Variants in KCNMA1 observed in about 807,000 individuals in gnomAD.
The protein encoded by KCNMA1 is Calcium-activated potassium channel subunit alpha-1.
KCNMA1 carries 29 observed loss-of-function variants against 140.0 expected under a neutral mutation model. The observed-to-expected ratio is 0.21, with a 90% confidence interval of 0.15 to 0.28. The LOEUF is 0.28. KCNMA1 is among the 10% of genes least tolerant of loss of function. KCNMA1 has a pLI of 1.00. For missense variants in KCNMA1, 880 were observed against 1,602.2 expected (o/e 0.55, Z 7.70); for synonymous variants, 612 against 611.9 (o/e 1.00, Z 0.00).
At chr10:76,987,159 G>T (rs772082541) in intron 19 of KCNMA1, among the ~76,000 whole-genome samples, 3 of 151,580 alleles carry the variant, frequency 2.0e-5, no homozygotes, top group Non-Finnish European at 2.9e-5. Context: ...TGTCAACAGA[G>T]TTTACATGTT....
At chr10:77,078,126 A>G (rs1185386171) in intron 13 of KCNMA1, 1 of 152,252 alleles carries the variant, frequency 6.6e-6, no homozygotes, top group East Asian at 1.9e-4. Context: ...ATTTGGCAGA[A>G]TGGGGTTTTT....
At chr10:77,509,051 T>C (rs973363366) in intron 1 of KCNMA1, among the ~76,000 whole-genome samples, 1 of 152,196 alleles carries the variant, frequency 6.6e-6, no homozygotes, top group African/African-American at 2.4e-5. Flanking sequence ...GACATTTCAG[T>C]TGATTCTACC....
intron 3 of KCNMA1, among the ~76,000 whole-genome samples, chr10:77,197,186 A>G (rs2040787861): frequency 6.6e-6 from 1 of 152,248 alleles, no homozygotes; most frequent in Non-Finnish European, 1.5e-5. Flanking sequence ...AAACACTATG[A>G]AAACGATCAA....
chr10:77,098,994 T>G (rs2097018660), intron 9 of KCNMA1, among the ~76,000 whole-genome samples: 1 of 152,094 alleles, frequency 6.6e-6, no homozygotes, highest in African/African-American at 2.4e-5. Flanking sequence ...TTCTCTGCTC[T>G]TACAGAGAAA....
intron 1 of KCNMA1, among the ~76,000 whole-genome samples, chr10:77,581,670 G>A (rs917818135): frequency 5.9e-4 from 90 of 152,200 alleles, no homozygotes; most frequent in African/African-American, 2.0e-3. Context: ...CAACTGCCGT[G>A]CTCAGTTGCC....
At chr10:77,606,101 C>T (rs149018874) in intron 1 of KCNMA1, among the ~76,000 whole-genome samples, 15 of 152,354 alleles carry the variant, frequency 9.8e-5, no homozygotes, top group East Asian at 3.9e-4. Flanking sequence ...CTCTGCCATC[C>T]ACCCTTGGTG....
chr10:77,271,903 C>T (rs547901774), intron 2 of KCNMA1, among the ~76,000 whole-genome samples: 76 of 152,300 alleles, frequency 5.0e-4, no homozygotes, highest in Admixed American at 1.6e-3. Context: ...TCCTCCAAAC[C>T]ATATCTTCCT....
In KCNMA1 at chr10:77,026,162, G is replaced by A. The variant is rs180711095; in HGVS notation, c.1928+1661C>T. 7.3e-3 allele frequency among the ~76,000 whole-genome samples: 1,115 copies of A among 152,178 alleles called. 18 individuals carry two copies. The highest frequency in any genetic ancestry group is 0.026 in the African/African-American group (1,073 of 41,520). Reference sequence around the variant, plus strand: ...AGAATAGTGACATTGAGTTCACAATGAACCATTAACAGCCTTTCGCTCTTT... The same window carrying A: ...AGAATAGTGACATTGAGTTCACAATAAACCATTAACAGCCTTTCGCTCTTT... On this transcript the variant is annotated intron_variant, in intron 16 of 27. Transcript: ENST00000286628.
chr10:77,637,761 G>A lies in KCNMA1; in HGVS notation c.-119C>T, dbSNP rs1390213782. 3 of 1,208,914 alleles carry A rather than the reference G, an allele frequency of 2.5e-6. No individual in the cohort carries two copies. The highest frequency in any genetic ancestry group is 3.7e-5 in the East Asian group (1 of 26,858). 74.9% of individuals were successfully genotyped at this position (1,208,914 alleles called of 1,614,324 possible). A position where few individuals can be genotyped will look rare whatever the true frequency, so the allele number is the denominator to read the frequency against. On this transcript the variant is annotated 5_prime_UTR_variant, in exon 1 of 28. Coordinates refer to ENST00000286628, the MANE Select transcript of KCNMA1 (RefSeq NM_001161352.2). ...CTGCTGCCGCCGCCGCCGCCGCCGCGGAGCGCGGGAGGGGGGCGGGGAGGC... is the reference window on the plus strand; with the variant it reads ...CTGCTGCCGCCGCCGCCGCCGCCGCAGAGCGCGGGAGGGGGGCGGGGAGGC...
At chr10:77,011,836 C>A in intron 18 of KCNMA1, 131 bp downstream of exon 18, 1 of 816,772 alleles carries the variant, frequency 1.2e-6, no homozygotes. Context: ...CTTTAAACTG[C>A]TGGGTGAAAC....
At chr10:77,443,291 T>C (rs1326453630) in intron 1 of KCNMA1, among the ~76,000 whole-genome samples, 2 of 152,196 alleles carry the variant, frequency 1.3e-5, no homozygotes, top group Non-Finnish European at 2.9e-5. Flanking sequence ...TCTGTTTGTC[T>C]AGAAGCCCTG....
intron 1 of KCNMA1, among the ~76,000 whole-genome samples, chr10:77,579,009 C>T (rs992128036): frequency 2.5e-4 from 38 of 152,210 alleles, no homozygotes; most frequent in African/African-American, 8.4e-4. Context: ...GCCAACCTCC[C>T]GGAGTCGTTG....
At chr10:77,442,846 A>G (rs965404158) in intron 1 of KCNMA1, among the ~76,000 whole-genome samples, 9 of 152,132 alleles carry the variant, frequency 5.9e-5, no homozygotes, top group Non-Finnish European at 1.3e-4. Flanking sequence ...TGACTTTGGT[A>G]CCTGGGGCTC....
At chr10:77,237,468 T>C (rs150096285) in intron 3 of KCNMA1, among the ~76,000 whole-genome samples, 2 of 152,252 alleles carry the variant, frequency 1.3e-5, no homozygotes, top group East Asian at 3.9e-4. Context: ...TGCAAAATTG[T>C]TTTTTTAAAG....
intron 1 of KCNMA1, among the ~76,000 whole-genome samples, chr10:77,431,388 T>G (rs752169221): frequency 1.3e-5 from 2 of 152,168 alleles, no homozygotes; most frequent in African/African-American, 2.4e-5. Flanking sequence ...CCTCTGGTAT[T>G]CCAGGAATCC....
At chr10:77,457,241 G>A (rs1490252404) in intron 1 of KCNMA1, among the ~76,000 whole-genome samples, 2 of 152,056 alleles carry the variant, frequency 1.3e-5, no homozygotes, top group East Asian at 3.9e-4. Flanking sequence ...CACTCCCCAG[G>A]CTCCCTCGCT....
chr10:77,480,937 C>T lies in KCNMA1; in HGVS notation c.379-76914G>A, dbSNP rs571495000. On this transcript the variant is annotated intron_variant, in intron 1 of 27. Transcript: ENST00000286628. Reference sequence around the variant, plus strand: ...CCAGCCTGGCCAACATGGTGAAATCCTGTCTCTACTAAAAATACAAAAAAA... The same window carrying T: ...CCAGCCTGGCCAACATGGTGAAATCTTGTCTCTACTAAAAATACAAAAAAA... Among the ~76,000 whole-genome samples, 36 of 148,902 alleles carry T rather than the reference C, an allele frequency of 2.4e-4. 1 individual carries two copies. The highest frequency in any genetic ancestry group is 9.0e-4 in the African/African-American group (36 of 39,908).
chr10:77,277,943 A>G (rs1216982254), intron 2 of KCNMA1, among the ~76,000 whole-genome samples: 1 of 152,212 alleles, frequency 6.6e-6, no homozygotes, highest in Admixed American at 6.5e-5. Flanking sequence ...CTTTCCATCC[A>G]AACAACTAAA....
At chr10:77,270,655 G>GTTTCATATTTAACCCAATATATCCA (rs2064817154) in intron 2 of KCNMA1, among the ~76,000 whole-genome samples, 1 of 150,768 alleles carries the variant, frequency 6.6e-6, no homozygotes, top group South Asian at 2.1e-4. Context: ...TCAAGTAGCT[G>GTTTCATATTTAACCCAATATATCCA]GGACTACAGG....
Sources: allele counts gnomAD v4.1 joint callset (sites outside exome capture counted in the v4.1 genomes callset), GRCh38; gene constraint gnomAD v4.1.1; transcripts MANE v1.5; gene names NCBI Gene and HGNC (gene_info 2026-07-23, HGNC 2026-07-21).